KHDRBS2: variants seen among roughly 807,000 people sequenced by gnomAD.
The protein encoded by KHDRBS2 is KH RNA binding domain containing, signal transduction associated 2, also known as KH domain-containing, RNA-binding, signal transduction-associated protein 2.
KHDRBS2 carries 26 observed loss-of-function variants against 44.3 expected under a neutral mutation model. That is an observed-to-expected ratio of 0.59 (90% CI 0.43 to 0.81). KHDRBS2 has a LOEUF of 0.81. Ranked by LOEUF, KHDRBS2 falls within the 40% of genes least tolerant of loss-of-function variation. KHDRBS2 has a pLI of 0.00. For synonymous variants in KHDRBS2, 194 were observed against 151.1 expected (o/e 1.28, Z -2.08); for missense variants, 476 against 433.1 (o/e 1.10, Z -0.88).
chr6:62,261,525 A>T (rs1838339794), intron 1 of KHDRBS2, among the ~76,000 whole-genome samples: 1 of 151,862 alleles, frequency 6.6e-6, no homozygotes, highest in Non-Finnish European at 1.5e-5. Flanking sequence ...TTCCAATACT[A>T]TTTATGTAGT....
chr6:61,859,842 A>G (rs73760120), intron 6 of KHDRBS2, among the ~76,000 whole-genome samples: 6,114 of 152,090 alleles, frequency 0.04, 421 homozygotes, highest in African/African-American at 0.14. Context: ...ACTGGAATAC[A>G]GAAGTTTTAG....
intron 2 of KHDRBS2, among the ~76,000 whole-genome samples, chr6:62,128,669 AT>A (rs35370798): frequency 1.2e-4 from 18 of 150,686 alleles, no homozygotes; most frequent in Middle Eastern, 3.5e-3. Flanking sequence ...AACTGCTTTA[AT>A]TTTTTTTTGT....
At chr6:61,973,744 C>T (rs1771914524) in intron 4 of KHDRBS2, among the ~76,000 whole-genome samples, 1 of 151,848 alleles carries the variant, frequency 6.6e-6, no homozygotes, top group Admixed American at 6.6e-5. Context: ...TTATATAGAC[C>T]TCTAGTGATA....
chr6:61,579,471 T>G, the KHDRBS2 span, among the ~76,000 whole-genome samples: 1 of 152,214 alleles, frequency 6.6e-6, no homozygotes, highest in Admixed American at 6.5e-5. Context: ...CTCTATTTAC[T>G]TTGTTTTCCA....
At chr6:61,938,065 C>T (rs1005179499) in intron 4 of KHDRBS2, among the ~76,000 whole-genome samples, 1 of 152,024 alleles carries the variant, frequency 6.6e-6, no homozygotes, top group African/African-American at 2.4e-5. Flanking sequence ...CAACACAAAC[C>T]ACTAATCATT....
At chr6:61,964,899 C>T (rs1461596691) in intron 4 of KHDRBS2, among the ~76,000 whole-genome samples, 4 of 152,056 alleles carry the variant, frequency 2.6e-5, no homozygotes, top group African/African-American at 9.7e-5. Flanking sequence ...AATATCTGTA[C>T]ATTTTGTTCT....
chr6:61,550,181 T>C, the KHDRBS2 span, among the ~76,000 whole-genome samples: 2 of 152,218 alleles, frequency 1.3e-5, no homozygotes, highest in Non-Finnish European at 2.9e-5. Flanking sequence ...TAGGTAGTTT[T>C]TCAATCCTCG....
At chr6:62,092,519 T>C (rs1389243863) in intron 2 of KHDRBS2, among the ~76,000 whole-genome samples, 1 of 152,196 alleles carries the variant, frequency 6.6e-6, no homozygotes, top group East Asian at 1.9e-4. Context: ...AGTAATTTTA[T>C]TGCCCCTCTG....
Position 62,283,462 on chromosome 6 carries a change from C to T in KHDRBS2, c.91+2396G>A, listed in dbSNP as rs941241330. On this transcript the variant is annotated intron_variant, in intron 1 of 8. Coordinates refer to ENST00000281156, the MANE Select transcript of KHDRBS2 (RefSeq NM_152688.4). The stretch of plus-strand genomic sequence containing the variant: ...TACTGCCTTTATATATATTAGCTTC[C>T]GGAAAATCATTCTGAAGAACTGAAT... 4.9e-4 allele frequency among the ~76,000 whole-genome samples: 75 copies of T among 152,002 alleles called. 1 individual carries two copies. The highest frequency in any genetic ancestry group is 1.5e-3 in the Admixed American group (23 of 15,262).
chr6:62,129,071 T>A (rs1015658227), intron 2 of KHDRBS2, among the ~76,000 whole-genome samples: 2 of 152,108 alleles, frequency 1.3e-5, no homozygotes, highest in Non-Finnish European at 2.9e-5. Context: ...CAAATGTGTA[T>A]CATATTCAAT....
the KHDRBS2 span, among the ~76,000 whole-genome samples, chr6:61,616,952 A>G: frequency 6.6e-6 from 1 of 152,282 alleles, no homozygotes; most frequent in Admixed American, 6.5e-5. Context: ...CTCAGGGACA[A>G]CTTATTTTAT....
intron 7 of KHDRBS2, among the ~76,000 whole-genome samples, chr6:61,705,739 A>T (rs1209310278): frequency 6.6e-6 from 1 of 151,738 alleles, no homozygotes; most frequent in Middle Eastern, 3.2e-3. Context: ...GAAAAATCTC[A>T]GCTACCATCA....
rs570531414 is a variant in KHDRBS2, at chr6:61,680,791, G to A, written c.*172C>T. ...AAAATAATACTAGTGTCAATGTCAC[G>A]CCAACAGTACAGAGGGAAATACTAG... is the stretch of plus-strand genomic sequence containing the variant. On this transcript the variant is annotated 3_prime_UTR_variant, in exon 9 of 9. Transcript: ENST00000281156. 39 of 478,026 alleles carry A rather than the reference G, an allele frequency of 8.2e-5. No homozygotes were observed. Among genetic ancestry groups the A allele is most frequent in the South Asian group, 8.1e-4 (22 of 27,202 alleles). 29.6% of individuals were successfully genotyped at this position (478,026 alleles called of 1,614,324 possible).
intron 3 of KHDRBS2, among the ~76,000 whole-genome samples, chr6:62,024,297 T>A (rs1186534166): frequency 6.6e-6 from 1 of 151,514 alleles, no homozygotes; most frequent in Non-Finnish European, 1.5e-5. Flanking sequence ...ATAAAATGAA[T>A]ATGATTTAAT....
At chr6:62,230,446 T>A (rs1299932095) in intron 1 of KHDRBS2, among the ~76,000 whole-genome samples, 3 of 152,138 alleles carry the variant, frequency 2.0e-5, no homozygotes, top group African/African-American at 4.8e-5. Context: ...ATCCATTTTA[T>A]AATAGGGCAA....
chr6:62,084,977 C>G (rs1360224223), intron 2 of KHDRBS2, among the ~76,000 whole-genome samples: 2 of 152,174 alleles, frequency 1.3e-5, no homozygotes, highest in East Asian at 3.9e-4. Flanking sequence ...TCTAACAAAA[C>G]ACTTAAATGT....
intron 6 of KHDRBS2, among the ~76,000 whole-genome samples, chr6:61,845,740 G>T (rs545014281): frequency 1.3e-5 from 2 of 152,216 alleles, no homozygotes; most frequent in Non-Finnish European, 2.9e-5. Flanking sequence ...ATAAATCTGA[G>T]AAAGCCTCTC....
chr6:61,696,915 T>G lies in KHDRBS2; in HGVS notation c.952+280A>C, dbSNP rs899914450. Among the ~76,000 whole-genome samples, 9 of 152,266 alleles carry G rather than the reference T, an allele frequency of 5.9e-5. No homozygotes were observed. The South Asian group carries it at 1.2e-3, about 21-fold the overall frequency. On this transcript the variant is annotated intron_variant, in intron 8 of 8. Transcript: ENST00000281156. ...GTTGCCAAATCAATGAGTCAGACAA[T>G]GAACACAGTTAAACATACAAGACGC...
intron 6 of KHDRBS2, among the ~76,000 whole-genome samples, chr6:61,866,366 C>T (rs533517386): frequency 5.3e-5 from 8 of 152,348 alleles, no homozygotes; most frequent in East Asian, 3.9e-4. Context: ...TCTGAGGCCA[C>T]GGTCCGAGCT....
Sources: gnomAD v4.1 joint callset for allele counts (sites outside exome capture counted in the v4.1 genomes callset) on GRCh38, gnomAD v4.1.1 for gene constraint, MANE v1.5 for transcripts, NCBI Gene and HGNC (gene_info 2026-07-23, HGNC 2026-07-21) for gene names.